KCNK9: variants seen among roughly 807,000 people sequenced by gnomAD.
The protein encoded by KCNK9 is potassium two pore domain channel subfamily K member 9.
KCNK9 carries 1 observed loss-of-function variant against 10.8 expected under a neutral mutation model. That is an observed-to-expected ratio of 0.09 (90% confidence interval 0.03 to 0.44). KCNK9 has a LOEUF of 0.44. KCNK9 is among the 20% of genes least tolerant of loss of function. KCNK9 has a pLI of 0.97. For missense variants in KCNK9, 303 were observed against 515.0 expected, an observed-to-expected ratio of 0.59 and a Z score of 3.98; for synonymous variants, 231 against 222.7, an observed-to-expected ratio of 1.04 and a Z score of -0.33.
In KCNK9 at chr8:139,674,300, CT is replaced by C. The variant is rs1816500482; in HGVS notation, c.283+28409del. Among the ~76,000 whole-genome samples the C allele has an allele frequency of 2.0e-5, 3 of 152,330 alleles. No homozygotes were observed. The South Asian group carries it at 6.2e-4, about 32-fold the overall frequency. On this transcript the variant is annotated intron_variant, in intron 1 of 1. Transcript: ENST00000520439. ...GCCATGCGAGGATACAGCAGGAGGG[CT>C]GCATGTACAGCCGGAAGCTGGCTCC...
intron 1 of KCNK9, among the ~76,000 whole-genome samples, chr8:139,677,970 T>G (rs1331841185): frequency 6.9e-6 from 1 of 145,516 alleles, no homozygotes; most frequent in African/African-American, 2.8e-5. Flanking sequence ...AGCTGCAGAG[T>G]AATACCTCAC....
chr8:139,604,147 G>A (rs367773237), intron 2 of KCNK9, among the ~76,000 whole-genome samples: 7 of 152,210 alleles, frequency 4.6e-5, no homozygotes, highest in South Asian at 2.1e-4. Context: ...TCTCCAGGGC[G>A]CAGACTCTGA....
intron 1 of KCNK9, among the ~76,000 whole-genome samples, chr8:139,663,635 A>ACGCGCGTG (rs1816221211): frequency 8.1e-6 from 1 of 123,702 alleles, no homozygotes; most frequent in South Asian, 3.4e-4. Context: ...CCAGGAACAG[A>ACGCGCGTG]CGCGCGTGCG....
In KCNK9 at chr8:139,644,240, C is replaced by A. The variant is rs529060924; in HGVS notation, c.284-25141G>T. Among the ~76,000 whole-genome samples, 9 of 152,296 alleles carry A rather than the reference C, an allele frequency of 5.9e-5. No individual in the cohort carries two copies. The South Asian group carries it at 1.9e-3, about 32-fold the overall frequency. On this transcript the variant is annotated intron_variant, in intron 1 of 1. Coordinates refer to ENST00000520439, the MANE Select transcript of KCNK9 (RefSeq NM_001282534.2). ...GACATCCAAACACAGACAGGCTGAA[C>A]CTGACCCAGAGCAAGAAATGTCCTT...
downstream of KCNK9, among the ~76,000 whole-genome samples, chr8:139,608,304 C>G (rs953058633): frequency 5.9e-5 from 9 of 152,122 alleles, no homozygotes; most frequent in Non-Finnish European, 8.8e-5. Flanking sequence ...CCAGGCCCAC[C>G]CTGGGGGCAG....
chr8:139,698,091 G>C (rs553341523), intron 1 of KCNK9, among the ~76,000 whole-genome samples: 2 of 152,212 alleles, frequency 1.3e-5, no homozygotes, highest in African/African-American at 4.8e-5. Context: ...TACTCCAGGA[G>C]CCCAGCCCTG....
At chr8:139,629,673 T>C (rs965114919) in intron 1 of KCNK9, among the ~76,000 whole-genome samples, 37 of 149,156 alleles carry the variant, frequency 2.5e-4, no homozygotes, top group Admixed American at 1.1e-3. Context: ...AACTCCACAA[T>C]GAAAGGGGGG....
At chr8:139,680,779 A>G (rs1481273463) in intron 1 of KCNK9, among the ~76,000 whole-genome samples, 1 of 152,120 alleles carries the variant, frequency 6.6e-6, no homozygotes, top group East Asian at 1.9e-4. Context: ...TAAAGGCCAC[A>G]CTAGGATGGA....
intron 1 of KCNK9, among the ~76,000 whole-genome samples, chr8:139,660,818 A>C (rs1269008169): frequency 1.3e-5 from 2 of 152,064 alleles, no homozygotes; most frequent in Non-Finnish European, 2.9e-5. Flanking sequence ...CCAGATGGGA[A>C]AATTAAAGCT....
chr8:139,656,221 G>A (rs1425301787), intron 1 of KCNK9, among the ~76,000 whole-genome samples: 1 of 152,154 alleles, frequency 6.6e-6, no homozygotes, highest in African/African-American at 2.4e-5. Context: ...CTCCCTGCAA[G>A]CAGCTTGGTC....
intron 1 of KCNK9, among the ~76,000 whole-genome samples, chr8:139,650,298 G>A (rs1368552446): frequency 1.3e-5 from 2 of 152,162 alleles, no homozygotes; most frequent in African/African-American, 4.8e-5. Flanking sequence ...TTACTTCACA[G>A]CTCGGAGTTA....
intron 1 of KCNK9, among the ~76,000 whole-genome samples, chr8:139,680,620 T>C (rs1816667491): frequency 6.6e-6 from 1 of 152,078 alleles, no homozygotes; most frequent in Non-Finnish European, 1.5e-5. Context: ...GCCGAGTGAG[T>C]GCTCATGGCG....
chr8:139,656,424 G>A (rs920836105), intron 1 of KCNK9, among the ~76,000 whole-genome samples: 5 of 152,062 alleles, frequency 3.3e-5, no homozygotes, highest in African/African-American at 1.2e-4. Flanking sequence ...TCTTCCCCAC[G>A]CCGCTCCCTC....
chr8:139,626,747 T>C (rs1157426984), intron 1 of KCNK9, among the ~76,000 whole-genome samples: 2 of 152,238 alleles, frequency 1.3e-5, no homozygotes, highest in African/African-American at 2.4e-5. Flanking sequence ...AGAAATTTCC[T>C]GCTGGAAGAG....
intron 1 of KCNK9, among the ~76,000 whole-genome samples, chr8:139,679,327 CA>C (rs1816632681): frequency 6.6e-6 from 1 of 152,220 alleles, no homozygotes; most frequent in Non-Finnish European, 1.5e-5. Context: ...TGCGGAATGG[CA>C]GGTGAAAGGC....
At chr8:139,663,059 T>C (rs1563741190) in intron 1 of KCNK9, among the ~76,000 whole-genome samples, 1 of 150,982 alleles carries the variant, frequency 6.6e-6, no homozygotes, top group Non-Finnish European at 1.5e-5. Context: ...CCCCTCAGAG[T>C]CCATGGCATC....
chr8:139,655,324 G>A (rs1222389049), intron 1 of KCNK9, among the ~76,000 whole-genome samples: 4 of 152,264 alleles, frequency 2.6e-5, no homozygotes, highest in Middle Eastern at 6.8e-3. Flanking sequence ...TTGTAATCAC[G>A]AGGAGCAAAC....
intron 1 of KCNK9, among the ~76,000 whole-genome samples, chr8:139,662,882 G>A (rs554991676): frequency 8.6e-4 from 129 of 150,444 alleles, no homozygotes; most frequent in African/African-American, 2.4e-3. Context: ...AAGGGGGGGG[G>A]GCTGGAGGAC....
At chr8:139,633,992 C>T (rs965296364) in intron 1 of KCNK9, among the ~76,000 whole-genome samples, 8 of 152,242 alleles carry the variant, frequency 5.3e-5, no homozygotes, top group African/African-American at 1.9e-4. Context: ...TTCTGCTCTC[C>T]GCCCCAGGGC....
Sources: allele counts gnomAD v4.1 joint callset (sites outside exome capture counted in the v4.1 genomes callset), GRCh38; gene constraint gnomAD v4.1.1; transcripts MANE v1.5; gene names NCBI Gene and HGNC (gene_info 2026-07-23, HGNC 2026-07-21).